Variants in CACUL1 observed in about 807,000 individuals in gnomAD.
CACUL1 encodes the protein CDK2 associated cullin domain 1.
A neutral mutation model predicts 45.2 loss-of-function variants in CACUL1; 13 were observed. The ratio of observed to expected loss-of-function variants is 0.29; its 90% CI spans 0.19 to 0.46. The LOEUF (loss-of-function observed/expected upper bound fraction) is 0.46. Among genes scored for constraint, CACUL1 ranks in the 20% least tolerant of loss-of-function variants. The pLI, the probability that CACUL1 is intolerant of heterozygous loss-of-function variation, is 1.00. For synonymous variants in CACUL1, 197 were observed against 174.2 expected (o/e 1.13, Z -1.03); for missense variants, 421 against 471.4 (o/e 0.89, Z 0.99).
intron 1 of CACUL1, among the ~76,000 whole-genome samples, chr10:118,754,138 G>A (rs1371509976): frequency 6.6e-6 from 1 of 152,180 alleles, no homozygotes; most frequent in Non-Finnish European, 1.5e-5. Context: ...GACCGAACTT[G>A]GGGCTCCGTG....
intron 7 of CACUL1, among the ~76,000 whole-genome samples, chr10:118,687,922 C>T (rs1359829980): frequency 6.6e-6 from 1 of 152,228 alleles, no homozygotes; most frequent in Non-Finnish European, 1.5e-5. Flanking sequence ...GTTCACCCCA[C>T]TGCCTAGAAG....
rs1011934714 is a variant in CACUL1 at position 118,685,217 on chromosome 10, G to A, written c.*911C>T. The A allele has an allele frequency of 7.7e-6, 1 of 129,124 alleles. No homozygotes were observed. The highest frequency in any genetic ancestry group is 2.0e-4 in the East Asian group (1 of 5,008). 8.0% of individuals were successfully genotyped at this position (129,124 alleles called of 1,614,324 possible). ...CTCAATAATACTAAGGGAAGCTTCCGTGCTAAAGTACCGCCCATCCCTAAA... is the reference window on the plus strand; with the variant it reads ...CTCAATAATACTAAGGGAAGCTTCCATGCTAAAGTACCGCCCATCCCTAAA... On this transcript the variant is annotated 3_prime_UTR_variant, in exon 9 of 9. Coordinates refer to ENST00000369151, the MANE Select transcript of CACUL1 (RefSeq NM_153810.5).
chr10:118,749,226 T>G (rs11198589), intron 1 of CACUL1, among the ~76,000 whole-genome samples: 43,120 of 151,418 alleles, frequency 0.28, 6,312 homozygotes, highest in East Asian at 0.39. Flanking sequence ...TTCAGTGGAA[T>G]AGTTCTACTT....
At chr10:118,725,232 C>T (rs9971077) in intron 3 of CACUL1, among the ~76,000 whole-genome samples, 42,841 of 151,980 alleles carry the variant, frequency 0.28, 6,225 homozygotes, top group East Asian at 0.39. Context: ...CTTTGGGAGG[C>T]CAAGGCAGGA....
chr10:118,688,714 C>T (rs568152586), intron 7 of CACUL1, among the ~76,000 whole-genome samples: 1 of 152,276 alleles, frequency 6.6e-6, no homozygotes, highest in African/African-American at 2.4e-5. Flanking sequence ...ACAACAGATA[C>T]CAAACTTCCA....
At chr10:118,706,068 T>C (rs2119588928) in intron 4 of CACUL1, among the ~76,000 whole-genome samples, 1 of 152,326 alleles carries the variant, frequency 6.6e-6, no homozygotes, top group East Asian at 1.9e-4. Context: ...GATCCTACCA[T>C]AAGGTGTAAG....
In CACUL1 at chr10:118,678,829, TG is replaced by T. The variant is rs1194365935; in HGVS notation, c.*7298del. 1 of 152,198 alleles carries T rather than the reference TG, an allele frequency of 6.6e-6. No homozygotes were observed. The highest frequency in any genetic ancestry group is 1.5e-5 in the Non-Finnish European group (1 of 68,022). The allele number at this position is 152,198 out of a possible 1,614,324, so 9.4% of individuals were successfully genotyped here. On this transcript the variant is annotated 3_prime_UTR_variant, in exon 9 of 9. Coordinates refer to ENST00000369151, the MANE Select transcript of CACUL1 (RefSeq NM_153810.5). The stretch of plus-strand genomic sequence containing the variant: ...CTACTGAAGGGTACAATGTGTTTTA[TG>T]TATGTGTGTGTTATGTATCTGTCAG...
At chr10:118,710,090 A>ATTTTTTTT (rs113369997) in intron 3 of CACUL1, among the ~76,000 whole-genome samples, 1 of 139,924 alleles carries the variant, frequency 7.1e-6, no homozygotes, top group African/African-American at 2.6e-5. Flanking sequence ...TTTGTTTGGG[A>ATTTTTTTT]TTTTTTTTTT....
At chr10:118,752,500 C>T (rs764079716) in intron 1 of CACUL1, among the ~76,000 whole-genome samples, 2 of 152,148 alleles carry the variant, frequency 1.3e-5, no homozygotes, top group Non-Finnish European at 2.9e-5. Flanking sequence ...CTCTATGGAT[C>T]AGGACTCTGT....
chr10:118,707,356 T>G (rs1845442067), intron 4 of CACUL1, 136 bp downstream of exon 4: 3 of 500,020 alleles, frequency 6.0e-6, no homozygotes, highest in African/African-American at 6.0e-5. Flanking sequence ...TATCGCACAT[T>G]ACTGAAATAA....
chr10:118,676,632 T>C lies in CACUL1; in HGVS notation c.*9496A>G, dbSNP rs1304352661. The C allele has an allele frequency of 1.3e-5, 2 of 152,182 alleles. No homozygotes were observed. Among genetic ancestry groups the C allele is most frequent in the African/African-American group, 4.8e-5 (2 of 41,434 alleles). 9.4% of individuals were successfully genotyped at this position (152,182 alleles called of 1,614,324 possible). A position where few individuals can be genotyped will look rare whatever the true frequency, so the allele number is the denominator to read the frequency against. On this transcript the variant is annotated 3_prime_UTR_variant, in exon 9 of 9. Coordinates refer to ENST00000369151, the MANE Select transcript of CACUL1 (RefSeq NM_153810.5). ...AGTTGTTTTTATAAAGTGTTAAAAC[T>C]AGGAGTTTCAAAAATGACAAGCATT...
At chr10:118,749,023 T>C (rs546476512) in intron 1 of CACUL1, among the ~76,000 whole-genome samples, 1 of 152,084 alleles carries the variant, frequency 6.6e-6, no homozygotes, top group Non-Finnish European at 1.5e-5. Flanking sequence ...TCCAGACATA[T>C]GAAGAAAGGA....
chr10:118,744,143 T>C lies in CACUL1; in HGVS notation c.367+10253A>G, dbSNP rs186841628. Among the ~76,000 whole-genome samples the C allele has an allele frequency of 6.6e-5, 10 of 152,294 alleles. No individual in the cohort carries two copies. The East Asian group carries it at 1.9e-3, about 29-fold the overall frequency. ...GCTCACGCCTGTAATCCTAGCACTT[T>C]GGGAGGCCGAGGAGGGTGGATCACC... On this transcript the variant is annotated intron_variant, in intron 1 of 8. Transcript: ENST00000369151.
intron 6 of CACUL1, among the ~76,000 whole-genome samples, chr10:118,694,738 A>T: frequency 6.6e-6 from 1 of 152,228 alleles, no homozygotes; most frequent in East Asian, 1.9e-4. Context: ...AAATGACTGT[A>T]ACTTTACCAA....
chr10:118,754,721 C>T lies in CACUL1; in HGVS notation c.42G>A (p.Glu14=). 6.2e-7 allele frequency: 1 copy of T among 1,604,412 alleles called. No homozygotes were observed. Residue 14 remains glutamate, a synonymous_variant, in exon 1 of 9, where the codon GAG becomes GAA. Transcript: ENST00000369151. The part of the protein sequence containing the change: ...SMEEEEGGSY[E]AMMDDQNHNN... ...TGTGGTTCTGGTCGTCCATCATCGC[C>T]TCGTAGCTGCCCCCCTCCTCCTCTT... is the stretch of plus-strand genomic sequence containing the variant.
intron 3 of CACUL1, among the ~76,000 whole-genome samples, chr10:118,722,080 C>CTT (rs11358147): frequency 8.5e-5 from 12 of 140,508 alleles, no homozygotes; most frequent in Non-Finnish European, 1.2e-4. Flanking sequence ...CAGAAACAAA[C>CTT]TTTTTTTTTT....
intron 3 of CACUL1, among the ~76,000 whole-genome samples, chr10:118,711,290 G>A (rs1845482615): frequency 6.6e-6 from 1 of 152,190 alleles, no homozygotes; most frequent in Non-Finnish European, 1.5e-5. Flanking sequence ...ATGTTGGCCA[G>A]GCTGGTCTTG....
rs780948322 is a variant in CACUL1, at chr10:118,707,350, G to A, written c.693+142C>T. On this transcript the variant is annotated intron_variant, in intron 4 of 8. Transcript: ENST00000369151. Reference sequence around the variant, plus strand: ...AAGTTCTTCTATGTCAACAACTATCGCACATTACTGAAATAACTTAATTTC... The same window carrying A: ...AAGTTCTTCTATGTCAACAACTATCACACATTACTGAAATAACTTAATTTC... 26 of 486,266 alleles carry A rather than the reference G, an allele frequency of 5.3e-5. 1 individual carries two copies. Among genetic ancestry groups the A allele is most frequent in the Admixed American group, 1.6e-4 (4 of 25,592 alleles). 30.1% of individuals were successfully genotyped at this position (486,266 alleles called of 1,614,324 possible). A position where few individuals can be genotyped will look rare whatever the true frequency, so the allele number is the denominator to read the frequency against.
intron 4 of CACUL1, among the ~76,000 whole-genome samples, chr10:118,706,213 TA>T (rs1250967765): frequency 6.6e-6 from 1 of 152,240 alleles, no homozygotes; most frequent in Non-Finnish European, 1.5e-5. Flanking sequence ...CTCACGCACC[TA>T]ACCAACATGC....
Sources: gnomAD v4.1 joint callset for allele counts (sites outside exome capture counted in the v4.1 genomes callset) on GRCh38, gnomAD v4.1.1 for gene constraint, MANE v1.5 for transcripts, NCBI Gene and HGNC (gene_info 2026-07-23, HGNC 2026-07-21) for gene names.